The following PRORP variants were observed in gnomAD, a reference collection of about 807,000 sequenced individuals.
PRORP encodes the protein mitochondrial ribonuclease P catalytic subunit.
In PRORP, 51 loss-of-function variants were observed where a neutral mutation model predicts 59.4. The ratio of observed to expected loss-of-function variants is 0.86; its 90% CI spans 0.69 to 1.08. The LOEUF (loss-of-function observed/expected upper bound fraction) is 1.08. PRORP is among the 50% of genes least tolerant of loss of function. The pLI, the probability that PRORP is intolerant of heterozygous loss-of-function variation, is 0.00. For synonymous variants in PRORP, 231 were observed against 245.6 expected (o/e 0.94, Z 0.55); for missense variants, 646 against 690.3 (o/e 0.94, Z 0.72).
At chr14:35,199,122 C>G (rs192753942) in intron 5 of PRORP, among the ~76,000 whole-genome samples, 1 of 151,056 alleles carries the variant, frequency 6.6e-6, no homozygotes, top group African/African-American at 2.4e-5. Context: ...GAGCCGAAAT[C>G]GTGCCATTGC....
chr14:35,230,990 G>T (rs1192194907), intron 5 of PRORP, among the ~76,000 whole-genome samples: 1 of 144,982 alleles, frequency 6.9e-6, no homozygotes, highest in Non-Finnish European at 1.5e-5. Context: ...CTTGCTTGTT[G>T]ATGTCTAGTC....
chr14:35,235,464 G>A (rs751334600), intron 5 of PRORP: 21 of 644,544 alleles, frequency 3.3e-5, no homozygotes, highest in Non-Finnish European at 6.0e-5. Flanking sequence ...CACAAGGCAA[G>A]CAGGAAGACA....
intron 5 of PRORP, among the ~76,000 whole-genome samples, chr14:35,210,862 C>G (rs892401625): frequency 7.0e-6 from 1 of 142,370 alleles, no homozygotes; most frequent in African/African-American, 2.6e-5. Context: ...CTCCCAGACT[C>G]AAGCTATCCT....
chr14:35,122,774 G>GCC (rs1445244558), intron 1 of PRORP, 139 bp downstream of exon 1: 1 of 170,050 alleles, frequency 5.9e-6, no homozygotes, highest in Non-Finnish European at 1.3e-5. Flanking sequence ...CAGGGTGAGG[G>GCC]CCCCTAGACT....
intron 5 of PRORP, among the ~76,000 whole-genome samples, chr14:35,181,460 A>G (rs1406053300): frequency 1.3e-5 from 2 of 152,142 alleles, no homozygotes; most frequent in Non-Finnish European, 2.9e-5. Context: ...ATCTATAGCC[A>G]TTCATCTGTA....
intron 4 of PRORP, among the ~76,000 whole-genome samples, chr14:35,173,643 G>C (rs543116069): frequency 9.2e-5 from 14 of 152,074 alleles, no homozygotes; most frequent in African/African-American, 3.4e-4. Context: ...ATTTCCAGCT[G>C]TTCCTGCTGG....
At chr14:35,248,619 C>T (rs1566525387) in intron 5 of PRORP, among the ~76,000 whole-genome samples, 1 of 152,204 alleles carries the variant, frequency 6.6e-6, no homozygotes, top group Non-Finnish European at 1.5e-5. Context: ...ATGGAGCAGG[C>T]TGCTAATGAA....
At chr14:35,235,857 G>T (rs1041223607) in intron 5 of PRORP, among the ~76,000 whole-genome samples, 2 of 151,882 alleles carry the variant, frequency 1.3e-5, no homozygotes, top group African/African-American at 4.8e-5. Context: ...TTGAGCTCAG[G>T]ATTTTGAGAC....
At chr14:35,146,850 T>C (rs1277421255) in intron 4 of PRORP, among the ~76,000 whole-genome samples, 1 of 152,158 alleles carries the variant, frequency 6.6e-6, no homozygotes, top group Non-Finnish European at 1.5e-5. Context: ...TCCCAGTGCT[T>C]TGGGGCCCAG....
chr14:35,150,335 G>GGAAAT (rs2047713537), intron 4 of PRORP, among the ~76,000 whole-genome samples: 1 of 152,146 alleles, frequency 6.6e-6, no homozygotes, highest in Admixed American at 6.5e-5. Flanking sequence ...AGAAAGATGG[G>GGAAAT]GAAATGGCTG....
chr14:35,217,757 G>A (rs2049642758), intron 5 of PRORP, among the ~76,000 whole-genome samples: 1 of 152,038 alleles, frequency 6.6e-6, no homozygotes, highest in Admixed American at 6.6e-5. Flanking sequence ...CACCATAAAT[G>A]TGAAGGTTTA....
At chr14:35,168,303 T>C (rs2048234345) in intron 4 of PRORP, among the ~76,000 whole-genome samples, 1 of 152,204 alleles carries the variant, frequency 6.6e-6, no homozygotes, top group South Asian at 2.1e-4. Context: ...GCCATTCTAG[T>C]GGGTGTATAA....
chr14:35,202,958 T>A (rs2049194979), intron 5 of PRORP, among the ~76,000 whole-genome samples: 1 of 152,198 alleles, frequency 6.6e-6, no homozygotes, highest in South Asian at 2.1e-4. Flanking sequence ...TAAAACTCAA[T>A]TGATAGCACC....
chr14:35,178,750 G>A (rs1440523325), intron 4 of PRORP, among the ~76,000 whole-genome samples: 1 of 97,358 alleles, frequency 1.0e-5, no homozygotes, highest in Non-Finnish European at 2.2e-5. Flanking sequence ...TACATTTAAG[G>A]TTAATATTAT....
At chr14:35,157,086 G>T (rs2047934804) in intron 4 of PRORP, among the ~76,000 whole-genome samples, 1 of 151,242 alleles carries the variant, frequency 6.6e-6, no homozygotes, top group South Asian at 2.1e-4. Context: ...CTACCAAATA[G>T]CTGGGACTAC....
rs138725314 is a variant in PRORP, at chr14:35,154,700, CAA to C, written c.1168-25957_1168-25956del. On this transcript the variant is annotated intron_variant, in intron 4 of 7. Transcript: ENST00000534898. Reference sequence around the variant, plus strand: ...CAGTTTCTTCCAATAAATGAATTGCCAAAAAAAAAAAAAAGAGATGGAGCAAT... The same window carrying C: ...CAGTTTCTTCCAATAAATGAATTGCCAAAAAAAAAAAAGAGATGGAGCAAT... Among the ~76,000 whole-genome samples, 1,175 of 124,870 alleles carry C rather than the reference CAA, an allele frequency of 9.4e-3. 21 individuals are homozygous for C. The highest frequency in any genetic ancestry group is 0.03 in the African/African-American group (1,065 of 34,954). The allele number at this position is 124,870 out of a possible 152,430, so 81.9% of individuals were successfully genotyped here.
chr14:35,186,694 G>A (rs997357949), intron 5 of PRORP, among the ~76,000 whole-genome samples: 7 of 151,712 alleles, frequency 4.6e-5, no homozygotes, highest in Non-Finnish European at 7.4e-5. Context: ...CTGGGCTCAA[G>A]TGGTCCTCTG....
At chr14:35,148,074 T>C (rs1365104939) in intron 4 of PRORP, among the ~76,000 whole-genome samples, 1 of 152,226 alleles carries the variant, frequency 6.6e-6, no homozygotes, top group Non-Finnish European at 1.5e-5. Flanking sequence ...CCATGAGGGT[T>C]GGTGTCAACT....
At chr14:35,272,715 C>T (rs1317287658) in intron 7 of PRORP, among the ~76,000 whole-genome samples, 1 of 152,132 alleles carries the variant, frequency 6.6e-6, no homozygotes. Context: ...ATGGCTGAAG[C>T]TAGGTGATGA....
Sources: allele counts gnomAD v4.1 joint callset (sites outside exome capture counted in the v4.1 genomes callset), GRCh38; gene constraint gnomAD v4.1.1; transcripts MANE v1.5; gene names NCBI Gene and HGNC (gene_info 2026-07-23, HGNC 2026-07-21).